XYLT1: variants seen among roughly 807,000 people sequenced by gnomAD.
The protein encoded by XYLT1 is xylosyltransferase 1.
In XYLT1, 36 loss-of-function variants were observed where a neutral mutation model predicts 91.3. The observed-to-expected ratio is 0.39, with a 90% CI of 0.30 to 0.52. XYLT1 has a LOEUF of 0.52. XYLT1 is among the 20% of genes least tolerant of loss of function. XYLT1 has a pLI of 0.68. For synonymous variants in XYLT1, 588 were observed against 532.0 expected (o/e 1.11, Z -1.45); for missense variants, 1,242 against 1,284.5 (o/e 0.97, Z 0.51).
At chr16:17,457,625 C>T (rs1186781813) in intron 1 of XYLT1, among the ~76,000 whole-genome samples, 2 of 152,162 alleles carry the variant, frequency 1.3e-5, no homozygotes, top group Non-Finnish European at 1.5e-5. Flanking sequence ...AACTATCCCT[C>T]AATAGGGTTA....
intron 1 of XYLT1, among the ~76,000 whole-genome samples, chr16:17,397,981 C>T (rs138045929): frequency 0.019 from 2,908 of 152,072 alleles, 88 homozygotes; most frequent in African/African-American, 0.065. Context: ...CACCACCATT[C>T]CCGGCTAATT....
chr16:17,264,707 T>G (rs2033775655), intron 2 of XYLT1, among the ~76,000 whole-genome samples: 1 of 152,312 alleles, frequency 6.6e-6, no homozygotes, highest in African/African-American at 2.4e-5. Context: ...CTTTGAATCT[T>G]CTTGAAAACT....
At chr16:17,410,554 G>A (rs1195185577) in intron 1 of XYLT1, among the ~76,000 whole-genome samples, 1 of 151,856 alleles carries the variant, frequency 6.6e-6, no homozygotes, top group African/African-American at 2.4e-5. Context: ...CCTCCCACTG[G>A]GTTCCTCCCA....
chr16:17,289,181 A>G (rs2034186446), intron 2 of XYLT1, among the ~76,000 whole-genome samples: 1 of 152,208 alleles, frequency 6.6e-6, no homozygotes, highest in Non-Finnish European at 1.5e-5. Context: ...GTAGAGTGAA[A>G]CCAGTCATAG....
At chr16:17,332,660 C>A (rs2034919101) in intron 2 of XYLT1, among the ~76,000 whole-genome samples, 1 of 151,528 alleles carries the variant, frequency 6.6e-6, no homozygotes, top group Non-Finnish European at 1.5e-5. Context: ...GAATGATATT[C>A]CAAAGTCCCT....
intron 6 of XYLT1, among the ~76,000 whole-genome samples, chr16:17,148,476 C>G (rs1398088325): frequency 6.6e-6 from 1 of 152,220 alleles, no homozygotes; most frequent in Non-Finnish European, 1.5e-5. Context: ...CTGCTTACAT[C>G]AGTGCCTACC....
At chr16:17,401,487 G>A (rs372869682) in intron 1 of XYLT1, among the ~76,000 whole-genome samples, 1 of 152,306 alleles carries the variant, frequency 6.6e-6, no homozygotes, top group East Asian at 1.9e-4. Flanking sequence ...GTAGTGTTCT[G>A]CAACTGAGTT....
At chr16:17,435,442 G>A (rs1251633368) in intron 1 of XYLT1, among the ~76,000 whole-genome samples, 5 of 152,034 alleles carry the variant, frequency 3.3e-5, no homozygotes, top group African/African-American at 1.2e-4. Flanking sequence ...TTTCTTCTAC[G>A]ACACAAGCAA....
intron 5 of XYLT1, among the ~76,000 whole-genome samples, chr16:17,182,403 CTT>C (rs1567311664): frequency 6.6e-6 from 1 of 152,104 alleles, no homozygotes; most frequent in Admixed American, 6.5e-5. Flanking sequence ...TCTGGTGTCT[CTT>C]ATAAAGAAGG....
intron 1 of XYLT1, among the ~76,000 whole-genome samples, chr16:17,372,603 T>C (rs1393784825): frequency 6.6e-6 from 1 of 152,236 alleles, no homozygotes; most frequent in Non-Finnish European, 1.5e-5. Context: ...TGGCCCATTT[T>C]TAAGAGAAAG....
At chr16:17,189,209 A>C (rs907901088) in intron 5 of XYLT1, among the ~76,000 whole-genome samples, 3 of 152,198 alleles carry the variant, frequency 2.0e-5, no homozygotes, top group African/African-American at 7.2e-5. Flanking sequence ...GAAAAAGGGA[A>C]GCTTGGACCT....
chr16:17,135,215 G>C (rs9936134), intron 8 of XYLT1, among the ~76,000 whole-genome samples: 96,419 of 152,044 alleles, frequency 0.63, 31,623 homozygotes, highest in Non-Finnish European at 0.71. Context: ...ACTCCACATG[G>C]TAACAACTGG....
intron 5 of XYLT1, among the ~76,000 whole-genome samples, chr16:17,166,556 T>C (rs1365558924): frequency 6.6e-6 from 1 of 151,684 alleles, no homozygotes; most frequent in Non-Finnish European, 1.5e-5. Flanking sequence ...CTGTCACCCA[T>C]GCTGGAGTGC....
chr16:17,143,822 GTCATCACCACCATCGTCATCAT>G (rs1398122009), intron 6 of XYLT1, among the ~76,000 whole-genome samples: 39,276 of 145,880 alleles, frequency 0.27, 7,276 homozygotes, highest in East Asian at 0.48. Flanking sequence ...TATCACCACT[GTCATCACCACCATCGTCATCAT>G]CACCATCATC....
At chr16:17,161,818 A>G (rs1412114861) in intron 5 of XYLT1, among the ~76,000 whole-genome samples, 1 of 151,890 alleles carries the variant, frequency 6.6e-6, no homozygotes, top group Non-Finnish European at 1.5e-5. Context: ...TGCTGAAATG[A>G]TTAGAAATCA....
rs117055016 is a variant in XYLT1 at position 17,141,719 on chromosome 16, A to G, written c.1371-350T>C. On this transcript the variant is annotated intron_variant, in intron 6 of 11. Transcript: ENST00000261381. ...ACTTTGGCAACAACCTCCTTATGCC[A>G]TAGAGGTCTTGGCAGTTTAGTGAAT... is the stretch of plus-strand genomic sequence containing the variant. 5.8e-3 allele frequency among the ~76,000 whole-genome samples: 887 copies of G among 152,288 alleles called. 8 individuals carry two copies. Among genetic ancestry groups the G allele is most frequent in the Non-Finnish European group, 0.01 (690 of 68,000 alleles).
chr16:17,206,511 T>C (rs762897966), intron 3 of XYLT1, among the ~76,000 whole-genome samples: 1 of 152,136 alleles, frequency 6.6e-6, no homozygotes, highest in Admixed American at 6.6e-5. Flanking sequence ...AGTCAATTTC[T>C]TTCCTTGGTC....
chr16:17,150,390 T>G (rs1381126507), intron 6 of XYLT1, among the ~76,000 whole-genome samples: 1 of 152,250 alleles, frequency 6.6e-6, no homozygotes, highest in African/African-American at 2.4e-5. Context: ...TTCCAGGCTC[T>G]GCTCTATGCA....
At chr16:17,412,237 G>GT (rs2036119097) in intron 1 of XYLT1, among the ~76,000 whole-genome samples, 1 of 152,012 alleles carries the variant, frequency 6.6e-6, no homozygotes, top group Non-Finnish European at 1.5e-5. Context: ...CACAGCCACC[G>GT]TGCAGCCCAG....
Sources: gnomAD v4.1 joint callset for allele counts (sites outside exome capture counted in the v4.1 genomes callset) on GRCh38, gnomAD v4.1.1 for gene constraint, MANE v1.5 for transcripts, NCBI Gene and HGNC (gene_info 2026-07-23, HGNC 2026-07-21) for gene names.